The following PRDM16 variants were observed in gnomAD, a reference collection of about 807,000 sequenced individuals.
The protein encoded by PRDM16 is histone-lysine N-methyltransferase PRDM16.
PRDM16 carries 23 observed loss-of-function variants against 110.6 expected under a neutral mutation model. The ratio of observed to expected loss-of-function variants is 0.21; its 90% CI spans 0.15 to 0.29. The LOEUF is 0.29. Among genes scored for constraint, PRDM16 ranks in the 10% least tolerant of loss-of-function variants. The pLI, the probability that PRDM16 is intolerant of heterozygous loss-of-function variation, is 1.00. For missense variants in PRDM16, 1,615 were observed against 1,794.3 expected, an observed-to-expected ratio of 0.90 and a Z score of 1.81; for synonymous variants, 799 against 781.8, an observed-to-expected ratio of 1.02 and a Z score of -0.37.
chr1:3,408,283 G>A (rs538249538), intron 8 of PRDM16, among the ~76,000 whole-genome samples: 1 of 152,336 alleles, frequency 6.6e-6, no homozygotes, highest in East Asian at 1.9e-4. Flanking sequence ...TCCTGGTGGT[G>A]TCTTTCCCAC....
At chr1:3,119,709 G>A (rs1643047411) in intron 1 of PRDM16, among the ~76,000 whole-genome samples, 1 of 152,230 alleles carries the variant, frequency 6.6e-6, no homozygotes, top group African/African-American at 2.4e-5. Flanking sequence ...GGCTGGGGGT[G>A]CCGTGTTTTG....
chr1:3,423,948 G>A (rs141700922), intron 12 of PRDM16, among the ~76,000 whole-genome samples: 17 of 152,366 alleles, frequency 1.1e-4, no homozygotes, highest in South Asian at 2.1e-4. Context: ...GCACCGCTGC[G>A]GGCGTTCTGA....
Position 3,382,003 on chromosome 1 carries a change from C to A in PRDM16, c.439-3149C>A, listed in dbSNP as rs1386273658. 6.6e-6 allele frequency among the ~76,000 whole-genome samples: 1 copy of A among 152,224 alleles called. No homozygotes were observed. Among genetic ancestry groups the A allele is most frequent in the Non-Finnish European group, 1.5e-5 (1 of 68,036 alleles). On this transcript the variant is annotated intron_variant, in intron 3 of 16. Transcript: ENST00000270722. The surrounding 1 kb of genome is among the most constrained non-coding windows in gnomAD (Gnocchi z 6.6). ...GGGGCCTCGTGGGTCTTGGCCAGCC[C>A]AGCCTCGCTCCCTTCCTGTGGCAGA... is the stretch of plus-strand genomic sequence containing the variant.
chr1:3,391,958 G>C (rs1248884498), intron 4 of PRDM16, among the ~76,000 whole-genome samples: 1 of 152,228 alleles, frequency 6.6e-6, no homozygotes, highest in Non-Finnish European at 1.5e-5. Flanking sequence ...CTCCTGGGCC[G>C]GCCTCGGGGC....
In PRDM16 at chr1:3,407,368, G is replaced by A. The variant is rs550434027; in HGVS notation, c.1186+1720G>A. On this transcript the variant is annotated intron_variant, in intron 8 of 16. Coordinates refer to ENST00000270722, the MANE Select transcript of PRDM16 (RefSeq NM_022114.4). ...AAAGGGAGATGGAGCTCTGCCTGCCGGCCGTTCCACAAGTACTGTTTTCCC... is the reference window on the plus strand; with the variant it reads ...AAAGGGAGATGGAGCTCTGCCTGCCAGCCGTTCCACAAGTACTGTTTTCCC... Among the ~76,000 whole-genome samples the A allele has an allele frequency of 9.8e-5, 15 of 152,294 alleles. No homozygotes were observed. The South Asian group carries it at 1.2e-3, about 13-fold the overall frequency.
chr1:3,181,270 G>A (rs1569780330), intron 1 of PRDM16, among the ~76,000 whole-genome samples: 1 of 132,808 alleles, frequency 7.5e-6, no homozygotes, highest in African/African-American at 2.9e-5. Context: ...TCTTACACAC[G>A]GCCTTACGCA....
rs113911649 is a variant in PRDM16, at chr1:3,119,833, C to T, written c.37+50537C>T. On this transcript the variant is annotated intron_variant, in intron 1 of 16. Coordinates refer to ENST00000270722, the MANE Select transcript of PRDM16 (RefSeq NM_022114.4). The stretch of plus-strand genomic sequence containing the variant: ...TGCCCCTGTCACGCCGGATTGTCCC[C>T]TGCTCAGCAGCTGACACAGCCCATC... Among the ~76,000 whole-genome samples the T allele has an allele frequency of 5.2e-3, 799 of 152,346 alleles. 10 individuals carry two copies. Among genetic ancestry groups the T allele is most frequent in the African/African-American group, 0.017 (709 of 41,574 alleles).
intron 3 of PRDM16, among the ~76,000 whole-genome samples, chr1:3,264,845 C>A (rs1640250561): frequency 1.3e-5 from 2 of 152,010 alleles, no homozygotes; most frequent in Non-Finnish European, 2.9e-5. Flanking sequence ...TGGGACATCT[C>A]AGAAGGAGAA....
At chr1:3,381,802 G>A (rs1643107072) in intron 3 of PRDM16, among the ~76,000 whole-genome samples, 1 of 152,214 alleles carries the variant, frequency 6.6e-6, no homozygotes, top group South Asian at 2.1e-4. Context: ...TATGAAGAGA[G>A]AGAGCCCAAA....
chr1:3,173,361 C>A (rs373685889), intron 1 of PRDM16, among the ~76,000 whole-genome samples: 1 of 152,160 alleles, frequency 6.6e-6, no homozygotes, highest in Non-Finnish European at 1.5e-5. Context: ...GCGATGGAGG[C>A]GGCGAGGAAA....
intron 3 of PRDM16, among the ~76,000 whole-genome samples, chr1:3,320,139 G>A (rs1404493680): frequency 6.6e-6 from 1 of 152,180 alleles, no homozygotes; most frequent in African/African-American, 2.4e-5. Flanking sequence ...GCCCTCTACT[G>A]TTTGTTAGCT....
chr1:3,414,614 C>T lies in PRDM16; in HGVS notation c.2658C>T (p.Tyr886=). ...CCGTGGGAGCCCTGAAGGAGAAGTA[C>T]CTGCGGCCGTCCCCGCTGCTCTTCC... ...TDPVGALKEK[Y]LRPSPLLFHP... is the part of the protein sequence containing the mutation. The change falls in exon 10 of 17, where the codon TAC becomes TAT. Residue 886 remains tyrosine (Y), a synonymous_variant. Transcript: ENST00000270722. 6.2e-7 allele frequency: 1 copy of T among 1,613,410 alleles called. No homozygotes were observed. Among genetic ancestry groups the T allele is most frequent in the Non-Finnish European group, 8.5e-7 (1 of 1,179,862 alleles).
chr1:3,310,303 C>T (rs990301334), intron 3 of PRDM16, among the ~76,000 whole-genome samples: 3 of 152,182 alleles, frequency 2.0e-5, no homozygotes, highest in Non-Finnish European at 4.4e-5. Flanking sequence ...ACACACCTTT[C>T]CCCTCCCTCA....
intron 2 of PRDM16, among the ~76,000 whole-genome samples, chr1:3,205,435 G>GA (rs1267708373): frequency 6.6e-6 from 1 of 151,964 alleles, no homozygotes; most frequent in Non-Finnish European, 1.5e-5. Flanking sequence ...GGCTGAATTA[G>GA]AAAAAAATGT....
intron 9 of PRDM16, 146 bp downstream of exon 9, chr1:3,412,946 TG>T (rs749817011): frequency 2.2e-5 from 15 of 676,250 alleles, no homozygotes; most frequent in South Asian, 2.8e-5. Flanking sequence ...CCCCTGTTCT[TG>T]GGGGGGTCTG....
At chr1:3,094,542 G>A (rs1642351057) in intron 1 of PRDM16, among the ~76,000 whole-genome samples, 1 of 152,216 alleles carries the variant, frequency 6.6e-6, no homozygotes, top group Admixed American at 6.5e-5. Flanking sequence ...TAAGCCCCCA[G>A]CAGGTTCAGA....
intron 2 of PRDM16, among the ~76,000 whole-genome samples, chr1:3,192,413 C>T (rs1638335739): frequency 6.6e-6 from 1 of 152,110 alleles, no homozygotes; most frequent in South Asian, 2.1e-4. Flanking sequence ...TAGGAGGAGA[C>T]CCTAAGGAGT....
intron 1 of PRDM16, among the ~76,000 whole-genome samples, chr1:3,106,727 G>A (rs1401485016): frequency 1.3e-5 from 2 of 152,168 alleles, no homozygotes; most frequent in East Asian, 3.9e-4. Context: ...AGCATGGGGG[G>A]GAGCAGCTCC....
chr1:3,193,346 C>T lies in PRDM16; in HGVS notation c.387+6872C>T, dbSNP rs1245444427. 3.3e-5 allele frequency among the ~76,000 whole-genome samples: 5 copies of T among 152,242 alleles called. No individual in the cohort carries two copies. The South Asian group carries it at 6.2e-4, about 19-fold the overall frequency. ...CCCACCAGTGCCAGGTCTAGCCATT[C>T]CTAGGAGATCTCCAGGCTGCCTCAT... On this transcript the variant is annotated intron_variant, in intron 2 of 16. Transcript: ENST00000270722.
Sources: allele counts gnomAD v4.1 joint callset (sites outside exome capture counted in the v4.1 genomes callset), GRCh38; gene constraint gnomAD v4.1.1; non-coding constraint Gnocchi (gnomAD v3.1); transcripts MANE v1.5; gene names NCBI Gene and HGNC (gene_info 2026-07-23, HGNC 2026-07-21).